Variants in THRAP3 observed in about 807,000 individuals in gnomAD.
THRAP3 encodes the protein thyroid hormone receptor-associated protein 3.
THRAP3 carries 16 observed loss-of-function variants against 101.0 expected under a neutral mutation model. The observed-to-expected ratio is 0.16, with a 90% CI of 0.11 to 0.24. The LOEUF is 0.24. Ranked by LOEUF, THRAP3 falls within the 10% of genes least tolerant of loss-of-function variation. THRAP3 has a pLI of 1.00. For missense variants in THRAP3, 989 were observed against 1,202.7 expected, an observed-to-expected ratio of 0.82 and a Z score of 2.63; for synonymous variants, 407 against 422.6, an observed-to-expected ratio of 0.96 and a Z score of 0.45.
chr1:36,218,710 A>G, the THRAP3 span, among the ~76,000 whole-genome samples: 1 of 151,634 alleles, frequency 6.6e-6, no homozygotes, highest in Non-Finnish European at 1.5e-5. Context: ...CGACAGAGCC[A>G]GACTCTGTTT....
At chr1:36,241,246 TGACACCTCTCACCAC>T (rs1266481821) in intron 1 of THRAP3, among the ~76,000 whole-genome samples, 1 of 150,070 alleles carries the variant, frequency 6.7e-6, no homozygotes, top group Non-Finnish European at 1.5e-5. Context: ...CGCTGACACC[TGACACCTCTCACCAC>T]ACTTGTTTTT....
chr1:36,231,312 A>T (rs190860982), intron 1 of THRAP3, among the ~76,000 whole-genome samples: 2 of 152,146 alleles, frequency 1.3e-5, no homozygotes, highest in Non-Finnish European at 2.9e-5. Context: ...AGACTTTTGG[A>T]GAGCATAGAG....
Position 36,289,357 on chromosome 1 carries a change from T to G in THRAP3, c.1338T>G (p.Phe446Leu). Residue 446 changes from phenylalanine (F) to leucine (L), a missense_variant, in exon 5 of 12, where the codon TTT (phenylalanine) becomes TTG (leucine). Physicochemically the swap from Phe to Leu is conservative, Grantham distance 22. Coordinates refer to ENST00000354618, the MANE Select transcript of THRAP3 (RefSeq NM_005119.4). ...DKAKGRKESE[F>L]DDEPKFMSKV... ...CTAAGGGAAGAAAGGAATCTGAGTT[T>G]GATGATGAACCCAAATTTATGTCTA... 1 of 1,614,102 alleles carries G rather than the reference T, an allele frequency of 6.2e-7. No homozygotes were observed. Among genetic ancestry groups the G allele is most frequent in the Non-Finnish European group, 8.5e-7 (1 of 1,180,020 alleles).
intron 1 of THRAP3, among the ~76,000 whole-genome samples, chr1:36,245,767 A>T (rs1226084217): frequency 6.6e-6 from 1 of 152,144 alleles, no homozygotes; most frequent in Non-Finnish European, 1.5e-5. Flanking sequence ...TTGTCTCTTG[A>T]TCATTGCATT....
chr1:36,248,946 C>T (rs2124442882), intron 1 of THRAP3, among the ~76,000 whole-genome samples: 1 of 151,046 alleles, frequency 6.6e-6, no homozygotes, highest in East Asian at 2.0e-4. Context: ...GTTTCCCAGG[C>T]TGGAGTGCAG....
chr1:36,293,927 G>A lies in THRAP3; in HGVS notation c.2107G>A (p.Gly703Ser). Residue 703 changes from glycine to serine, a missense_variant, in exon 8 of 12, where the codon GGC (glycine) becomes AGC (serine). Transcript: ENST00000354618. ...HDEMKSPREP[G>S]YKAEGKYKDD... ...TGAAATGAAAAGTCCCCGGGAACCT[G>A]GCTACAAGGTGAACTGTTGATTTGA... is the stretch of plus-strand genomic sequence containing the variant. The A allele has an allele frequency of 1.2e-6, 2 of 1,613,500 alleles. No individual in the cohort carries two copies. The highest frequency in any genetic ancestry group is 1.1e-5 in the South Asian group (1 of 91,046).
At chr1:36,221,712 T>C (rs185432372), upstream of THRAP3, among the ~76,000 whole-genome samples, 971 of 152,202 alleles carry the variant, frequency 6.4e-3, 11 homozygotes, top group African/African-American at 0.022. Context: ...ACATCCCGAG[T>C]AGCTGGGATT....
In THRAP3 at chr1:36,301,632, A is replaced by G. The variant is rs374762961; in HGVS notation, c.2582A>G (p.Gln861Arg). The G allele has an allele frequency of 1.2e-5, 19 of 1,614,064 alleles. No individual in the cohort carries two copies. The highest frequency in any genetic ancestry group is 1.5e-5 in the Non-Finnish European group (18 of 1,180,028). Residue 861 changes from glutamine to arginine, a missense_variant, in exon 11 of 12, where the codon CAA becomes CGA. By Grantham distance (43) the Gln-to-Arg change is conservative. Coordinates refer to ENST00000354618, the MANE Select transcript of THRAP3 (RefSeq NM_005119.4). ...NNNNNSNNDF[Q>R]KRNREEEWDP... ...AACAACAACAGCAACAACGATTTTC[A>G]AAAAAGAAACCGGGAAGAGGAGTGG...
At chr1:36,214,793 A>G in the THRAP3 span, among the ~76,000 whole-genome samples, 1 of 149,888 alleles carries the variant, frequency 6.7e-6, no homozygotes, top group East Asian at 2.0e-4. Flanking sequence ...CGGGAGGTGG[A>G]GATTGCAATG....
chr1:36,285,944 C>T (rs1300468656), intron 3 of THRAP3, among the ~76,000 whole-genome samples: 1 of 152,108 alleles, frequency 6.6e-6, no homozygotes, highest in African/African-American at 2.4e-5. Context: ...GTCAGAGTAC[C>T]TGTCTAGGTA....
intron 1 of THRAP3, among the ~76,000 whole-genome samples, chr1:36,233,303 C>T (rs970277628): frequency 6.6e-6 from 1 of 151,478 alleles, no homozygotes; most frequent in Non-Finnish European, 1.5e-5. Context: ...GTCAGGAGAT[C>T]AAGACCATCC....
upstream of THRAP3, among the ~76,000 whole-genome samples, chr1:36,221,846 G>A (rs1644904438): frequency 6.9e-6 from 1 of 144,336 alleles, no homozygotes; most frequent in South Asian, 2.2e-4. Flanking sequence ...TTTTGCTCTT[G>A]TTACTCAGGC....
rs1646031480 is a variant in THRAP3 at position 36,301,601 on chromosome 1, A to G, written c.2551A>G (p.Asn851Asp). Residue 851 changes from asparagine to aspartate, a missense_variant, in exon 11 of 12, where the codon AAC becomes GAC. Physicochemically the swap from Asn to Asp is conservative, Grantham distance 23 (BLOSUM62 1). Coordinates refer to ENST00000354618, the MANE Select transcript of THRAP3 (RefSeq NM_005119.4). ...RGWGRGNYSGNNNNNSNNDFQ... is the reference protein window; with the variant it reads ...RGWGRGNYSGDNNNNSNNDFQ... ...CTGGGGCAGAGGCAACTACTCTGGG[A>G]ACAATAACAACAACAGCAACAACGA... 6.2e-7 allele frequency: 1 copy of G among 1,614,192 alleles called. No individual in the cohort carries two copies. Among genetic ancestry groups the G allele is most frequent in the Non-Finnish European group, 8.5e-7 (1 of 1,180,028 alleles).
chr1:36,218,035 C>T, the THRAP3 span, among the ~76,000 whole-genome samples: 3 of 152,144 alleles, frequency 2.0e-5, no homozygotes, highest in Non-Finnish European at 4.4e-5. Context: ...CCTGTTGTGT[C>T]AATTAGCCAA....
chr1:36,229,951 C>CTTTT (rs35044010), intron 1 of THRAP3, among the ~76,000 whole-genome samples: 3 of 59,276 alleles, frequency 5.1e-5, no homozygotes, highest in African/African-American at 1.2e-4. Context: ...CGCGCCCAGC[C>CTTTT]TTTTTTTTTT....
chr1:36,296,225 C>T (rs961452236), intron 8 of THRAP3, among the ~76,000 whole-genome samples: 2 of 152,062 alleles, frequency 1.3e-5, no homozygotes, highest in Non-Finnish European at 1.5e-5. Flanking sequence ...CCGCCTGCCT[C>T]GGCCTCCCAA....
the THRAP3 span, among the ~76,000 whole-genome samples, chr1:36,218,147 T>C: frequency 7.0e-6 from 1 of 142,386 alleles, no homozygotes; most frequent in Non-Finnish European, 1.5e-5. Context: ...GGTGGATCAC[T>C]TGAGGTCAGG....
chr1:36,301,569 G>A lies in THRAP3; in HGVS notation c.2519G>A (p.Gly840Glu), dbSNP rs1343265725. 5.0e-6 allele frequency: 8 copies of A among 1,613,550 alleles called. No homozygotes were observed. Residue 840 changes from glycine (G) to glutamate (E), a missense_variant, in exon 11 of 12, where the codon GGA becomes GAA. By Grantham distance (98) the Gly-to-Glu change is moderately conservative. Coordinates refer to ENST00000354618, the MANE Select transcript of THRAP3 (RefSeq NM_005119.4). Reference sequence around the variant, plus strand: ...TTGCAATAGCAGTTTCGAGCCAGAGGAAGAGGCTGGGGCAGAGGCAACTAC... The same window carrying A: ...TTGCAATAGCAGTTTCGAGCCAGAGAAAGAGGCTGGGGCAGAGGCAACTAC... ...ARGTFQFRAR[G>E]RGWGRGNYSG...
In THRAP3 at chr1:36,289,269, A is replaced by C; in HGVS notation, c.1250A>C (p.Asp417Ala). ...CCCAAAAGGTATAAGCTCCGAGATG[A>C]CTTTGAGAAGAAGATGGCTGACTTC... Reference protein sequence around the residue: ...QSPKRYKLRDDFEKKMADFHK... With the variant: ...QSPKRYKLRDAFEKKMADFHK... The change falls in exon 5 of 12, where the codon GAC becomes GCC. Residue 417 changes from aspartate (D) to alanine (A), a missense_variant. By Grantham distance (126) the Asp-to-Ala change is moderately radical. Transcript: ENST00000354618. 4 of 1,614,104 alleles carry C rather than the reference A, an allele frequency of 2.5e-6. No homozygotes were observed. Among genetic ancestry groups the C allele is most frequent in the Non-Finnish European group, 3.4e-6 (4 of 1,179,980 alleles).
Sources: gnomAD v4.1 joint callset for allele counts (sites outside exome capture counted in the v4.1 genomes callset) on GRCh38, gnomAD v4.1.1 for gene constraint, MANE v1.5 for transcripts, NCBI Gene and HGNC (gene_info 2026-07-23, HGNC 2026-07-21) for gene names.